The following NALCN variants were observed in gnomAD, a reference collection of about 807,000 sequenced individuals.
NALCN encodes the protein sodium leak channel, non-selective.
A neutral mutation model predicts 225.3 loss-of-function variants in NALCN; 111 were observed. That is an observed-to-expected ratio of 0.49 (90% CI 0.42 to 0.58). The LOEUF (loss-of-function observed/expected upper bound fraction) is 0.58, where lower values mean the gene tolerates loss of function less well. NALCN is among the 20% of genes least tolerant of loss of function. The probability of loss-of-function intolerance (pLI) is 0.00; values close to 1 mark genes in which losing one functional copy is unlikely to be tolerated. For synonymous variants in NALCN, 764 were observed against 769.0 expected, an observed-to-expected ratio of 0.99 and a Z score of 0.11; for missense variants, 1,378 against 2,202.4, an observed-to-expected ratio of 0.63 and a Z score of 7.49.
intron 10 of NALCN, among the ~76,000 whole-genome samples, chr13:101,282,268 T>A (rs1379898283): frequency 6.6e-6 from 1 of 152,010 alleles, no homozygotes; most frequent in Non-Finnish European, 1.5e-5. Context: ...TGTCTACTGA[T>A]GGATGAATGG....
chr13:101,065,541 G>A lies in NALCN; in HGVS notation c.4467C>T (p.Arg1489=). Residue 1489 remains arginine (R), a synonymous_variant, in exon 40 of 44, where the codon CGC becomes CGT. Transcript: ENST00000251127. The stretch of plus-strand genomic sequence containing the variant: ...GCAGTAGCCGCAGCAGGAACTTGAC[G>A]CGGAACGTGGGGATCACCCCCTGCG... ...DKREGVIPTF[R]VKFLLRLLRG... is the part of the protein sequence containing the mutation. 6.2e-7 allele frequency: 1 copy of A among 1,614,040 alleles called. No homozygotes were observed. Among genetic ancestry groups the A allele is most frequent in the South Asian group, 1.1e-5 (1 of 91,080 alleles).
chr13:101,355,120 C>T (rs1178702245), intron 6 of NALCN, among the ~76,000 whole-genome samples: 1 of 152,156 alleles, frequency 6.6e-6, no homozygotes, highest in African/African-American at 2.4e-5. Context: ...TCCCCGTCTG[C>T]CTTCTGCCAT....
At chr13:101,407,214 G>T (rs573790302) in intron 1 of NALCN, among the ~76,000 whole-genome samples, 1 of 152,158 alleles carries the variant, frequency 6.6e-6, no homozygotes, top group African/African-American at 2.4e-5. Flanking sequence ...AGAGGTGACT[G>T]TTTATTTGAT....
At chr13:101,415,872 G>T (rs539133740) in intron 1 of NALCN, among the ~76,000 whole-genome samples, 1 of 151,972 alleles carries the variant, frequency 6.6e-6, no homozygotes, top group African/African-American at 2.4e-5. Flanking sequence ...GTGCCGAGGG[G>T]GCAGGTGCAG....
intron 7 of NALCN, among the ~76,000 whole-genome samples, chr13:101,308,910 T>C (rs1170580570): frequency 1.3e-5 from 2 of 150,276 alleles, no homozygotes; most frequent in African/African-American, 4.9e-5. Flanking sequence ...TACCTACACT[T>C]AGCCCGAAGA....
intron 39 of NALCN, among the ~76,000 whole-genome samples, chr13:101,066,980 G>A (rs2032445009): frequency 6.6e-6 from 1 of 151,966 alleles, no homozygotes; most frequent in Non-Finnish European, 1.5e-5. Flanking sequence ...ACTGTCTATA[G>A]TTTTAACTTC....
intron 14 of NALCN, among the ~76,000 whole-genome samples, chr13:101,185,533 G>T (rs1003401926): frequency 2.0e-5 from 3 of 152,186 alleles, no homozygotes; most frequent in Admixed American, 6.5e-5. Context: ...CAAAGATGGG[G>T]AAAAAGATGA....
intron 15 of NALCN, among the ~76,000 whole-genome samples, chr13:101,157,877 T>G (rs1594328832): frequency 6.6e-6 from 1 of 151,662 alleles, no homozygotes. Context: ...CTCAGCTTCC[T>G]GAGTAGCTGG....
chr13:101,072,832 C>T (rs1244405018), intron 37 of NALCN, among the ~76,000 whole-genome samples: 2 of 152,132 alleles, frequency 1.3e-5, no homozygotes, highest in African/African-American at 2.4e-5. Context: ...AATTCAGTTC[C>T]TCAGTTGTGT....
intron 22 of NALCN, among the ~76,000 whole-genome samples, chr13:101,107,072 C>A (rs927288502): frequency 6.6e-5 from 10 of 152,110 alleles, no homozygotes; most frequent in Admixed American, 2.0e-4. Flanking sequence ...TTACGTTATT[C>A]TCCAAAAAAC....
At chr13:101,071,954 G>A (rs1382327169) in intron 37 of NALCN, among the ~76,000 whole-genome samples, 2 of 152,062 alleles carry the variant, frequency 1.3e-5, no homozygotes, top group East Asian at 3.9e-4. Flanking sequence ...TGTGTCTCAG[G>A]ACATAGGGAG....
rs373966384 is a variant in NALCN, at chr13:101,061,933, C to T, written c.4755+35G>A. On this transcript the variant is annotated intron_variant, in intron 41 of 43. Coordinates refer to ENST00000251127, the MANE Select transcript of NALCN (RefSeq NM_052867.4). The stretch of plus-strand genomic sequence containing the variant: ...TCCTGCGGGGCAGGGCGGGGCGGGG[C>T]GGGGACCCAACCTGCATGTGTGCAG... 1.9e-4 allele frequency: 293 copies of T among 1,519,862 alleles called. No individual in the cohort carries two copies. The African/African-American group carries it at 2.9e-3, about 15-fold the overall frequency. The allele number at this position is 1,519,862 out of a possible 1,614,324, so 94.1% of individuals were successfully genotyped here.
At chr13:101,315,206 A>G (rs2044510702) in intron 7 of NALCN, among the ~76,000 whole-genome samples, 1 of 152,198 alleles carries the variant, frequency 6.6e-6, no homozygotes, top group African/African-American at 2.4e-5. Context: ...TAACTTAGAA[A>G]GAAAAATTGT....
chr13:101,262,765 T>G (rs1232059640), intron 10 of NALCN, among the ~76,000 whole-genome samples: 1 of 152,176 alleles, frequency 6.6e-6, no homozygotes, highest in African/African-American at 2.4e-5. Context: ...CATCAGGTGC[T>G]CTGGGCCAAA....
intron 33 of NALCN, 146 bp downstream of exon 33, chr13:101,082,663 G>T: frequency 1.3e-6 from 1 of 778,796 alleles, no homozygotes; most frequent in Non-Finnish European, 2.2e-6. Context: ...GAGTTAAGCA[G>T]AACCGCTTAA....
intron 15 of NALCN, among the ~76,000 whole-genome samples, chr13:101,174,732 T>G (rs1029352152): frequency 6.6e-6 from 1 of 152,220 alleles, no homozygotes; most frequent in African/African-American, 2.4e-5. Context: ...AAATGAGGGC[T>G]GGAATTATAT....
intron 15 of NALCN, among the ~76,000 whole-genome samples, chr13:101,171,627 T>A (rs544654065): frequency 6.6e-6 from 1 of 152,282 alleles, no homozygotes; most frequent in South Asian, 2.1e-4. Flanking sequence ...TAGAGGAATT[T>A]CATATGGTTA....
rs1030463057 is a variant in NALCN, at chr13:101,415,208, C to CATATATATATATAT, written c.-40+1091_-40+1104dup. Among the ~76,000 whole-genome samples, 86 of 107,798 alleles carry CATATATATATATAT rather than the reference C, an allele frequency of 8.0e-4. 1 individual carries two copies. The highest frequency in any genetic ancestry group is 3.5e-3 in the African/African-American group (62 of 17,960). 70.7% of individuals were successfully genotyped at this position (107,798 alleles called of 152,430 possible). On this transcript the variant is annotated intron_variant, in intron 1 of 43. Coordinates refer to ENST00000251127, the MANE Select transcript of NALCN (RefSeq NM_052867.4). ...TAGTTATGAACATACAAATCACACA[C>CATATATATATATAT]ATATATATATATATATACATACATA...
At chr13:101,398,392 G>A (rs1366205010) in intron 2 of NALCN, among the ~76,000 whole-genome samples, 2 of 152,154 alleles carry the variant, frequency 1.3e-5, no homozygotes. Flanking sequence ...AGATGAGTAA[G>A]AAGTTGATCC....
Sources: gnomAD v4.1 joint callset for allele counts (sites outside exome capture counted in the v4.1 genomes callset) on GRCh38, gnomAD v4.1.1 for gene constraint, MANE v1.5 for transcripts, NCBI Gene and HGNC (gene_info 2026-07-23, HGNC 2026-07-21) for gene names.